MEGF10: variants seen among roughly 807,000 people sequenced by gnomAD.
The protein encoded by MEGF10 is multiple epidermal growth factor-like domains protein 10.
MEGF10 carries 86 observed loss-of-function variants against 147.5 expected under a neutral mutation model. The observed-to-expected ratio is 0.58, with a 90% CI of 0.49 to 0.70. The LOEUF is 0.70. Among genes scored for constraint, MEGF10 ranks in the 30% least tolerant of loss-of-function variants. The pLI is 0.00. For missense variants in MEGF10, 1,329 were observed against 1,487.3 expected, an observed-to-expected ratio of 0.89 and a Z score of 1.75; for synonymous variants, 478 against 525.5, an observed-to-expected ratio of 0.91 and a Z score of 1.24.
At chr5:127,392,966 G>A (rs982081222) in intron 5 of MEGF10, among the ~76,000 whole-genome samples, 1 of 152,236 alleles carries the variant, frequency 6.6e-6, no homozygotes, top group Non-Finnish European at 1.5e-5. Flanking sequence ...CCGGCGGTTA[G>A]TGCAGTTAGA....
the MEGF10 span, among the ~76,000 whole-genome samples, chr5:127,265,352 C>T: frequency 4.6e-5 from 7 of 152,188 alleles, no homozygotes; most frequent in African/African-American, 1.7e-4. Context: ...CAAGTCTTTG[C>T]TATTGTGAAT....
At chr5:127,362,123 C>T (rs1405800880) in intron 4 of MEGF10, among the ~76,000 whole-genome samples, 1 of 151,862 alleles carries the variant, frequency 6.6e-6, no homozygotes, top group African/African-American at 2.4e-5. Flanking sequence ...ATTCAAATCT[C>T]CTGCTTTAAT....
chr5:127,288,624 ATAT>A (rs1307126406), upstream of MEGF10, among the ~76,000 whole-genome samples: 2 of 152,180 alleles, frequency 1.3e-5, no homozygotes, highest in Admixed American at 1.3e-4. Flanking sequence ...AGCAATTATC[ATAT>A]CTTGCTGGTG....
At chr5:127,304,249 C>T (rs1013079700) in intron 1 of MEGF10, among the ~76,000 whole-genome samples, 3 of 152,202 alleles carry the variant, frequency 2.0e-5, no homozygotes, top group African/African-American at 7.2e-5. Context: ...AGATAATGCT[C>T]CTTCTAGACC....
chr5:127,340,653 T>C, intron 4 of MEGF10, 23 bp downstream of exon 4: 1 of 1,592,890 alleles, frequency 6.3e-7, no homozygotes. Context: ...GTCACCCCTT[T>C]GAGATTCGCT....
chr5:127,402,395 CA>C lies in MEGF10; in HGVS notation c.781-150del, dbSNP rs1314865953. The C allele has an allele frequency of 4.3e-6, 3 of 693,606 alleles. No individual in the cohort carries two copies. In the African/African-American group the frequency reaches 5.4e-5, roughly 13 times the overall value. The allele number at this position is 693,606 out of a possible 1,614,324, so 43.0% of individuals were successfully genotyped here. ...TTTCTAATATTTTAAAGATGATGAACAGTTTATGTGCTCTAAAATTCTCTAA... is the reference window on the plus strand; with the variant it reads ...TTTCTAATATTTTAAAGATGATGAACGTTTATGTGCTCTAAAATTCTCTAA... On this transcript the variant is annotated intron_variant, in intron 7 of 24. Coordinates refer to ENST00000503335, the MANE Select transcript of MEGF10 (RefSeq NM_001256545.2).
In MEGF10 at chr5:127,340,552, C is replaced by T. The variant is rs1279221790; in HGVS notation, c.241C>T (p.Arg81Ter). The T allele has an allele frequency of 3.7e-6, 6 of 1,612,624 alleles. No homozygotes were observed. Among genetic ancestry groups the T allele is most frequent in the Middle Eastern group, 1.7e-4 (1 of 6,048 alleles). Residue 81 changes from arginine to a stop codon, truncating the protein, a stop_gained, in exon 4 of 25, where the codon CGA (arginine) becomes TGA (stop). Coordinates refer to ENST00000503335, the MANE Select transcript of MEGF10 (RefSeq NM_001256545.2). LOFTEE classifies it high-confidence loss of function. ...TAGAGTCAGCTATCGGACAGCCTAT[C>T]GACATGGGGAGAAGACTATGTATAG... ...RHRVSYRTAYRHGEKTMYRRK... is the reference protein window; with the variant it reads ...RHRVSYRTAY
chr5:127,384,153 C>T (rs10519936), intron 5 of MEGF10, among the ~76,000 whole-genome samples: 34,873 of 152,066 alleles, frequency 0.23, 4,635 homozygotes, highest in African/African-American at 0.37. Flanking sequence ...AATCCTGTCT[C>T]GTAACACCTA....
intron 1 of MEGF10, among the ~76,000 whole-genome samples, chr5:127,296,953 G>GT (rs1048322377): frequency 4.6e-5 from 7 of 151,798 alleles, no homozygotes; most frequent in African/African-American, 7.3e-5. Flanking sequence ...TGTTCCACCA[G>GT]TTTTTTTTGT....
chr5:127,458,510 A>G lies in MEGF10; in HGVS notation c.*1192A>G, dbSNP rs753827117. 15 of 152,138 alleles carry G rather than the reference A, an allele frequency of 9.9e-5. No individual in the cohort carries two copies. The highest frequency in any genetic ancestry group is 1.8e-4 in the Non-Finnish European group (12 of 68,012). The allele number at this position is 152,138 out of a possible 1,614,324, so 9.4% of individuals were successfully genotyped here. A position where few individuals can be genotyped will look rare whatever the true frequency, so the allele number is the denominator to read the frequency against. ...TTTGGATTGTTAATGAAAAAATATTATATGTTCGTTATTCCTTGTATTATT... is the reference window on the plus strand; with the variant it reads ...TTTGGATTGTTAATGAAAAAATATTGTATGTTCGTTATTCCTTGTATTATT... On this transcript the variant is annotated 3_prime_UTR_variant, in exon 25 of 25. Coordinates refer to ENST00000503335, the MANE Select transcript of MEGF10 (RefSeq NM_001256545.2).
At chr5:127,309,589 A>T (rs1338275970) in intron 1 of MEGF10, among the ~76,000 whole-genome samples, 1 of 152,222 alleles carries the variant, frequency 6.6e-6, no homozygotes, top group Admixed American at 6.5e-5. Context: ...TAATGTCCTC[A>T]AAGTCCAGCC....
At chr5:127,362,859 A>G (rs1762526383) in intron 4 of MEGF10, among the ~76,000 whole-genome samples, 1 of 151,728 alleles carries the variant, frequency 6.6e-6, no homozygotes, top group Non-Finnish European at 1.5e-5. Flanking sequence ...TCTCTTTTAT[A>G]CTTTTACTTT....
chr5:127,241,358 A>T, the MEGF10 span, among the ~76,000 whole-genome samples: 1 of 152,170 alleles, frequency 6.6e-6, no homozygotes, highest in African/African-American at 2.4e-5. Flanking sequence ...TGCTACTGTC[A>T]TTCTCAGGTA....
chr5:127,263,017 C>T, the MEGF10 span, among the ~76,000 whole-genome samples: 5 of 152,030 alleles, frequency 3.3e-5, no homozygotes, highest in Non-Finnish European at 7.4e-5. Context: ...AAAAAAGTAA[C>T]AACAAAAAAG....
chr5:127,427,521 A>T (rs942822316), intron 13 of MEGF10, among the ~76,000 whole-genome samples: 5 of 151,760 alleles, frequency 3.3e-5, no homozygotes, highest in African/African-American at 1.2e-4. Flanking sequence ...GAAGGGTGTA[A>T]TCGGAAGGAG....
chr5:127,449,253 C>T (rs1394519441), intron 22 of MEGF10, 31 bp downstream of exon 22: 6 of 1,610,174 alleles, frequency 3.7e-6, no homozygotes, highest in Non-Finnish European at 5.1e-6. Flanking sequence ...TCCCCAGAAG[C>T]ACCTTGACCT....
chr5:127,354,113 C>T (rs1471774074), intron 4 of MEGF10, among the ~76,000 whole-genome samples: 3 of 152,146 alleles, frequency 2.0e-5, no homozygotes, highest in African/African-American at 4.8e-5. Context: ...AAAACTGAAC[C>T]GGCTGTGGGC....
chr5:127,261,008 G>A, the MEGF10 span, among the ~76,000 whole-genome samples: 13 of 152,102 alleles, frequency 8.5e-5, no homozygotes, highest in East Asian at 1.9e-4. Flanking sequence ...CCTATGGGGC[G>A]CTCTGCTCCA....
At chr5:127,326,076 T>C (rs1204299554) in intron 1 of MEGF10, among the ~76,000 whole-genome samples, 1 of 151,080 alleles carries the variant, frequency 6.6e-6, no homozygotes, top group Non-Finnish European at 1.5e-5. Flanking sequence ...CCACCAAGCC[T>C]GGCTAATTTT....
Sources: allele counts gnomAD v4.1 joint callset (sites outside exome capture counted in the v4.1 genomes callset), GRCh38; gene constraint gnomAD v4.1.1; transcripts MANE v1.5; gene names NCBI Gene and HGNC (gene_info 2026-07-23, HGNC 2026-07-21).